The following IQGAP2 variants were observed in gnomAD, a reference collection of about 807,000 sequenced individuals.
The protein encoded by IQGAP2 is IQ motif containing GTPase activating protein 2, also known as ras GTPase-activating-like protein IQGAP2.
IQGAP2 carries 173 observed loss-of-function variants against 201.3 expected under a neutral mutation model. That is an observed-to-expected ratio of 0.86 (90% CI 0.76 to 0.98). IQGAP2 has a LOEUF of 0.98. Ranked by LOEUF, IQGAP2 falls within the 50% of genes least tolerant of loss-of-function variation. The pLI, the probability that IQGAP2 is intolerant of heterozygous loss-of-function variation, is 0.00. For synonymous variants in IQGAP2, 675 were observed against 673.9 expected (o/e 1.00, Z -0.03); for missense variants, 1,687 against 1,864.8 (o/e 0.90, Z 1.76).
In IQGAP2 at chr5:76,592,781, C is replaced by T. The variant is rs965280895; in HGVS notation, c.820-57C>T. 4.4e-5 allele frequency: 49 copies of T among 1,119,112 alleles called. No individual in the cohort carries two copies. In the East Asian group the frequency reaches 8.2e-4, roughly 19 times the overall value. 69.3% of individuals were successfully genotyped at this position (1,119,112 alleles called of 1,614,324 possible). ...TCTTCACATTTTTCCATTTGAATTT[C>T]GAGTTTTGGAAATATTTTATTTAAC... On this transcript the variant is annotated intron_variant, in intron 8 of 35. Transcript: ENST00000274364.
At chr5:76,562,619 C>T in intron 3 of IQGAP2, 67 bp downstream of exon 3, 2 of 1,363,478 alleles carry the variant, frequency 1.5e-6, no homozygotes, top group South Asian at 1.3e-5. Context: ...ATATCCTCTC[C>T]CTTCTTTTAC....
At chr5:76,484,382 A>C (rs1190922963) in intron 2 of IQGAP2, among the ~76,000 whole-genome samples, 3 of 152,076 alleles carry the variant, frequency 2.0e-5, no homozygotes, top group Non-Finnish European at 4.4e-5. Context: ...GGGCTGTCTT[A>C]GTGCTAGCTG....
chr5:76,452,953 C>A, intron 1 of IQGAP2, among the ~76,000 whole-genome samples: 1 of 145,916 alleles, frequency 6.9e-6, no homozygotes, highest in Middle Eastern at 3.8e-3. Context: ...CTCTGTAGCC[C>A]AGGCTGGAGT....
chr5:76,484,428 T>A (rs987587542), intron 2 of IQGAP2, among the ~76,000 whole-genome samples: 1 of 152,080 alleles, frequency 6.6e-6, no homozygotes, highest in Non-Finnish European at 1.5e-5. Flanking sequence ...CACTTGAGAG[T>A]ACTGTGTTCA....
At chr5:76,413,512 C>T (rs1344193972) in intron 1 of IQGAP2, among the ~76,000 whole-genome samples, 1 of 152,180 alleles carries the variant, frequency 6.6e-6, no homozygotes, top group Non-Finnish European at 1.5e-5. Context: ...CTTAAGTTAT[C>T]TATATGGAAA....
At chr5:76,658,733 C>A in intron 21 of IQGAP2, 66 bp downstream of exon 21, 1 of 1,304,458 alleles carries the variant, frequency 7.7e-7, no homozygotes, top group South Asian at 1.2e-5. Flanking sequence ...AGTCAAGAGT[C>A]ACTTAATGAC....
intron 1 of IQGAP2, among the ~76,000 whole-genome samples, chr5:76,438,413 C>T (rs1441837651): frequency 2.0e-5 from 3 of 150,798 alleles, no homozygotes; most frequent in South Asian, 2.1e-4. Flanking sequence ...CTTTGTATTT[C>T]TGTGGTGTTG....
chr5:76,619,819 G>A (rs144711892), intron 13 of IQGAP2, among the ~76,000 whole-genome samples: 262 of 152,180 alleles, frequency 1.7e-3, no homozygotes, highest in Middle Eastern at 3.4e-3. Flanking sequence ...CGCCCGGCCA[G>A]TTAAGGATCT....
At chr5:76,534,386 C>T (rs780818760) in intron 2 of IQGAP2, among the ~76,000 whole-genome samples, 5 of 152,098 alleles carry the variant, frequency 3.3e-5, no homozygotes, top group Non-Finnish European at 5.9e-5. Flanking sequence ...ATCCTTTGAC[C>T]GGTTTTACTA....
intron 2 of IQGAP2, among the ~76,000 whole-genome samples, chr5:76,514,573 T>A (rs1441616566): frequency 6.6e-6 from 1 of 152,216 alleles, no homozygotes; most frequent in East Asian, 1.9e-4. Flanking sequence ...GAAAAACCTT[T>A]GTTCATGCTA....
chr5:76,702,346 T>G, intron 34 of IQGAP2, 136 bp from the exon 35 acceptor site: 1 of 575,086 alleles, frequency 1.7e-6, no homozygotes, highest in Non-Finnish European at 3.1e-6. Flanking sequence ...TGACGTGAGG[T>G]TTTTGGTGAC....
At chr5:76,414,927 T>C (rs1458755225) in intron 1 of IQGAP2, among the ~76,000 whole-genome samples, 1 of 152,242 alleles carries the variant, frequency 6.6e-6, no homozygotes, top group African/African-American at 2.4e-5. Flanking sequence ...TATAATGTGC[T>C]TCTGTATTGT....
At position 76,473,785 on chromosome 5, in the gene IQGAP2, A is replaced by G. The variant is rs557558546; in HGVS notation, c.146+12116A>G. 2.2e-4 allele frequency among the ~76,000 whole-genome samples: 33 copies of G among 152,306 alleles called. No homozygotes were observed. The South Asian group carries it at 6.8e-3, about 32-fold the overall frequency. On this transcript the variant is annotated intron_variant, in intron 2 of 35. Coordinates refer to ENST00000274364, the MANE Select transcript of IQGAP2 (RefSeq NM_006633.5). The stretch of plus-strand genomic sequence containing the variant: ...TTATCTTTTTGGTTTTGCCACTATT[A>G]TGACTGGTTTCAAAGAATGCTTGGC...
intron 20 of IQGAP2, among the ~76,000 whole-genome samples, chr5:76,655,271 ATT>A (rs5868834): frequency 0.63 from 94,173 of 150,650 alleles, 29,566 homozygotes; most frequent in South Asian, 0.82. Flanking sequence ...ATAAATGCTG[ATT>A]TTTTTTTTTC....
chr5:76,496,911 C>T (rs995335225), intron 2 of IQGAP2, among the ~76,000 whole-genome samples: 2 of 151,880 alleles, frequency 1.3e-5, no homozygotes, highest in Admixed American at 1.3e-4. Context: ...CTCACTGCAA[C>T]CTCTGCCTCC....
chr5:76,414,783 C>A (rs1256599033), intron 1 of IQGAP2, among the ~76,000 whole-genome samples: 1 of 152,218 alleles, frequency 6.6e-6, no homozygotes, highest in East Asian at 1.9e-4. Context: ...TTCCTCAGTT[C>A]TCCAGTCTAA....
Position 76,697,997 on chromosome 5 carries a change from A to G in IQGAP2, c.4217A>G (p.Asn1406Ser). The G allele has an allele frequency of 6.2e-7, 1 of 1,610,720 alleles. No homozygotes were observed. The highest frequency in any genetic ancestry group is 8.5e-7 in the Non-Finnish European group (1 of 1,178,822). The stretch of plus-strand genomic sequence containing the variant: ...TACTTGTTGTTTTAGGATATTCGAA[A>G]TCAAAGAATCTATCGTAAGCTTCGA... The part of the protein sequence containing the change: ...ILNEIAKDIR[N>S]QRIYRKLRKA... Residue 1406 changes from asparagine to serine, a missense_variant, in exon 33 of 36, where the codon AAT (asparagine) becomes AGT (serine). Transcript: ENST00000274364.
chr5:76,601,345 C>A (rs557874189), intron 11 of IQGAP2, among the ~76,000 whole-genome samples: 3 of 152,346 alleles, frequency 2.0e-5, no homozygotes, highest in South Asian at 4.1e-4. Context: ...TTTTATGTCA[C>A]TGATGCAGAA....
At chr5:76,456,722 A>G (rs1178530820) in intron 1 of IQGAP2, among the ~76,000 whole-genome samples, 1 of 152,224 alleles carries the variant, frequency 6.6e-6, no homozygotes, top group Non-Finnish European at 1.5e-5. Flanking sequence ...GAAATGAATT[A>G]TCTATTCAAG....
Sources: gnomAD v4.1 joint callset for allele counts (sites outside exome capture counted in the v4.1 genomes callset) on GRCh38, gnomAD v4.1.1 for gene constraint, MANE v1.5 for transcripts, NCBI Gene and HGNC (gene_info 2026-07-23, HGNC 2026-07-21) for gene names.